SEPTIN9: variants seen among roughly 807,000 people sequenced by gnomAD.
SEPTIN9 encodes the protein septin 9.
In SEPTIN9, 13 loss-of-function variants were observed where a neutral mutation model predicts 56.6. The ratio of observed to expected loss-of-function variants is 0.23; its 90% CI spans 0.15 to 0.37. SEPTIN9 has a LOEUF of 0.37. Among genes scored for constraint, SEPTIN9 ranks in the 10% least tolerant of loss-of-function variants. SEPTIN9 has a pLI of 1.00. For synonymous variants in SEPTIN9, 332 were observed against 334.1 expected (o/e 0.99, Z 0.07); for missense variants, 650 against 823.1 (o/e 0.79, Z 2.57).
intron 3 of SEPTIN9, among the ~76,000 whole-genome samples, chr17:77,460,005 C>T (rs190943537): frequency 2.0e-5 from 3 of 152,180 alleles, no homozygotes; most frequent in East Asian, 1.9e-4. Context: ...TCAGATCTCC[C>T]GGACTTTGTG....
chr17:77,460,006 G>A (rs1427065243), intron 3 of SEPTIN9, among the ~76,000 whole-genome samples: 4 of 152,088 alleles, frequency 2.6e-5, no homozygotes, highest in African/African-American at 4.8e-5. Flanking sequence ...CAGATCTCCC[G>A]GACTTTGTGA....
At chr17:77,381,459 G>A (rs1379541302) in intron 2 of SEPTIN9, among the ~76,000 whole-genome samples, 1 of 151,960 alleles carries the variant, frequency 6.6e-6, no homozygotes, top group Non-Finnish European at 1.5e-5. Context: ...CCTTGGCCCC[G>A]CTTTCCACGT....
chr17:77,290,516 C>T (rs2031495359), intron 1 of SEPTIN9, among the ~76,000 whole-genome samples: 2 of 151,806 alleles, frequency 1.3e-5, no homozygotes, highest in South Asian at 4.2e-4. Flanking sequence ...GCCTCAGCCT[C>T]CAAAGTGCTG....
chr17:77,412,295 T>C (rs1454285757), intron 3 of SEPTIN9, among the ~76,000 whole-genome samples: 1 of 152,196 alleles, frequency 6.6e-6, no homozygotes, highest in Non-Finnish European at 1.5e-5. Context: ...TACCCCTGGC[T>C]GAGGGCCAAA....
Position 77,487,582 on chromosome 17 carries a change from A to C in SEPTIN9, c.1042+30A>C. ...GTGGCCGGGAGTGGGCTGGGGGTGC[A>C]GGACGCCCCTGCCTTCCTGGAGCAC... On this transcript the variant is annotated intron_variant, in intron 5 of 11. Coordinates refer to ENST00000427177, the MANE Select transcript of SEPTIN9 (RefSeq NM_001113491.2). This position sits in a 1 kb window ranked among gnomAD's most constrained non-coding sequence, Gnocchi z 4.3. 3.1e-6 allele frequency: 5 copies of C among 1,600,496 alleles called. No individual in the cohort carries two copies. The highest frequency in any genetic ancestry group is 4.2e-6 in the Non-Finnish European group (5 of 1,177,666).
intron 1 of SEPTIN9, chr17:77,288,173 C>A: frequency 6.6e-6 from 7 of 1,058,650 alleles, no homozygotes; most frequent in East Asian, 5.2e-5. Flanking sequence ...GGAGTGTCAT[C>A]TTTTCTCAAT....
intron 3 of SEPTIN9, chr17:77,469,488 A>G (rs1467468548): frequency 6.6e-6 from 1 of 152,312 alleles, no homozygotes; most frequent in African/African-American, 2.4e-5. Context: ...GCTTCATGCC[A>G]TGGTGCAGGC....
At chr17:77,311,230 C>A (rs8068778) in intron 2 of SEPTIN9, among the ~76,000 whole-genome samples, 4 of 127,764 alleles carry the variant, frequency 3.1e-5, no homozygotes, top group Admixed American at 7.7e-5. Flanking sequence ...ACCCCCCCCC[C>A]ACCCCACCCC....
In SEPTIN9 at chr17:77,373,122, C is replaced by A. The variant is rs963869393; in HGVS notation, c.77-28937C>A. 42 of 905,398 alleles carry A rather than the reference C, an allele frequency of 4.6e-5. No individual in the cohort carries two copies. In the Admixed American group the frequency reaches 1.3e-3, roughly 28 times the overall value. The allele number at this position is 905,398 out of a possible 1,614,324, so 56.1% of individuals were successfully genotyped here. ...CGCCGTCCCCTGGGCGCGGGCCAGG[C>A]GGGGAGGAGGGGGGCGCTCCGGTCG... On this transcript the variant is annotated intron_variant, in intron 2 of 11. Coordinates refer to ENST00000427177, the MANE Select transcript of SEPTIN9 (RefSeq NM_001113491.2).
At chr17:77,491,009 C>G in intron 8 of SEPTIN9, 150 bp downstream of exon 8, 1 of 681,800 alleles carries the variant, frequency 1.5e-6, no homozygotes. Context: ...CCTGGTGGTC[C>G]CTGGCCCAGG....
chr17:77,331,959 C>G (rs1213418416), intron 2 of SEPTIN9, among the ~76,000 whole-genome samples: 1 of 151,968 alleles, frequency 6.6e-6, no homozygotes, highest in Admixed American at 6.6e-5. Flanking sequence ...AACTTTTTGC[C>G]GTAAAACTTT....
At chr17:77,439,002 A>C (rs956358698) in intron 3 of SEPTIN9, among the ~76,000 whole-genome samples, 8 of 152,198 alleles carry the variant, frequency 5.3e-5, no homozygotes, top group African/African-American at 1.9e-4. Flanking sequence ...TGGGCTGGAC[A>C]CATGTTTCCT....
rs1172790340 is a variant in SEPTIN9, at chr17:77,425,125, G to GCGCC, written c.721+22424_721+22427dup. Among the ~76,000 whole-genome samples, 2 of 152,196 alleles carry GCGCC rather than the reference G, an allele frequency of 1.3e-5. No individual in the cohort carries two copies. The highest frequency in any genetic ancestry group is 4.8e-5 in the African/African-American group (2 of 41,434). On this transcript the variant is annotated intron_variant, in intron 3 of 11. Coordinates refer to ENST00000427177, the MANE Select transcript of SEPTIN9 (RefSeq NM_001113491.2). The surrounding 1 kb of genome is among the most constrained non-coding windows in gnomAD (Gnocchi z 4.2). ...CCCCCCACCCCCGGGGCTGTTCCTG[G>GCGCC]CGCCCTGCCCTCCCCCAGAGCCCCA... is the stretch of plus-strand genomic sequence containing the variant.
At chr17:77,491,396 C>T (rs559437647) in intron 8 of SEPTIN9, among the ~76,000 whole-genome samples, 16 of 152,062 alleles carry the variant, frequency 1.1e-4, no homozygotes, top group African/African-American at 3.9e-4. Context: ...CGAGGTTTTG[C>T]CATGTTGCCC....
intron 2 of SEPTIN9, chr17:77,373,608 T>A: frequency 6.5e-7 from 1 of 1,527,756 alleles, no homozygotes; most frequent in Non-Finnish European, 8.8e-7. Context: ...ACCCTGCGGG[T>A]GGGCCTGGCG....
rs148676422 is a variant in SEPTIN9 at position 77,299,093 on chromosome 17, G to A, written c.20-8048G>A. Among the ~76,000 whole-genome samples the A allele has an allele frequency of 8.5e-3, 1,289 of 152,328 alleles. 45 individuals are homozygous for A. Among genetic ancestry groups the A allele is most frequent in the Admixed American group, 0.068 (1,045 of 15,296 alleles). On this transcript the variant is annotated intron_variant, in intron 1 of 11. Transcript: ENST00000427177. ...TTGTAGCTATTATTGGCCAGTTGTG[G>A]CATGTGAAGCTGAGGCTCAGGAGAA...
intron 3 of SEPTIN9, among the ~76,000 whole-genome samples, chr17:77,415,011 G>A (rs957479104): frequency 2.6e-5 from 4 of 152,146 alleles, no homozygotes; most frequent in African/African-American, 9.7e-5. Context: ...ATTCCACCAT[G>A]GCATGGACCA....
chr17:77,416,506 C>G (rs2036513687), intron 3 of SEPTIN9, among the ~76,000 whole-genome samples: 1 of 152,218 alleles, frequency 6.6e-6, no homozygotes, highest in African/African-American at 2.4e-5. Context: ...ATGCCGGCAG[C>G]AGGCAGGGAG....
rs919068049 is a variant in SEPTIN9, at chr17:77,436,691, A to G, written c.721+33988A>G. ...TGTTTTGCTGCACTAGCCTCGTGGT[A>G]GGGGCTGCGGCGGAGGTGGGCAAAA... On this transcript the variant is annotated intron_variant, in intron 3 of 11. Transcript: ENST00000427177. The surrounding 1 kb of genome is among the most constrained non-coding windows in gnomAD (Gnocchi z 4.4). 6.6e-6 allele frequency among the ~76,000 whole-genome samples: 1 copy of G among 152,336 alleles called. No homozygotes were observed. Among genetic ancestry groups the G allele is most frequent in the African/African-American group, 2.4e-5 (1 of 41,588 alleles).
Sources: allele counts gnomAD v4.1 joint callset (sites outside exome capture counted in the v4.1 genomes callset), GRCh38; gene constraint gnomAD v4.1.1; non-coding constraint Gnocchi (gnomAD v3.1); transcripts MANE v1.5; gene names NCBI Gene and HGNC (gene_info 2026-07-23, HGNC 2026-07-21).